SMIM31: variants seen among roughly 807,000 people sequenced by gnomAD.
SMIM31 encodes the protein human epithelial cell program regulator.
chr4:164,757,812 T>G, intron 1 of SMIM31, among the ~76,000 whole-genome samples: 1 of 97,812 alleles, frequency 1.0e-5, no homozygotes, highest in Non-Finnish European at 2.5e-5. Context: ...ACTCTTTTGA[T>G]TACTAAAGTT....
chr4:164,756,169 A>G (rs758372863), intron 1 of SMIM31, among the ~76,000 whole-genome samples: 4 of 152,322 alleles, frequency 2.6e-5, no homozygotes, highest in Non-Finnish European at 4.4e-5. Flanking sequence ...ATGAATTTTA[A>G]TGGATATGTA....
chr4:164,764,565 CAA>C (rs11388843), intron 1 of SMIM31, among the ~76,000 whole-genome samples: 2 of 130,248 alleles, frequency 1.5e-5, no homozygotes, highest in East Asian at 2.2e-4. Flanking sequence ...GACTCCATCT[CAA>C]AAAAAAAAAA....
chr4:164,786,499 A>T (rs202003331), intron 2 of SMIM31, among the ~76,000 whole-genome samples: 14 of 24,948 alleles, frequency 5.6e-4, no homozygotes, highest in Non-Finnish European at 1.1e-3. Context: ...TAACAAAAAT[A>T]AAAAAAAGAG....
chr4:164,797,007 G>A (rs1579075191), intron 2 of SMIM31, among the ~76,000 whole-genome samples: 1 of 152,174 alleles, frequency 6.6e-6, no homozygotes, highest in Non-Finnish European at 1.5e-5. Flanking sequence ...TCTTCCAGCT[G>A]TTTCTGAAAT....
At chr4:164,765,021 A>G (rs534456020) in intron 1 of SMIM31, among the ~76,000 whole-genome samples, 1 of 152,330 alleles carries the variant, frequency 6.6e-6, no homozygotes, top group Admixed American at 6.5e-5. Context: ...GTTTAGGGAA[A>G]ATTCAATCAT....
At position 164,754,352 on chromosome 4, in the gene SMIM31, CTGTT is replaced by C. The variant is rs1390450191; in HGVS notation, c.-82_-79del. ...CCCGAATCCCAAGACACTGAAGACT[CTGTT>C]TGAATCAGACTCACGGGTTCCTTCC... On this transcript the variant is annotated 5_prime_UTR_variant, in exon 1 of 3. An upstream open reading frame in the 5' UTR loses its in-frame stop. Coordinates refer to ENST00000507311, the MANE Select transcript of SMIM31 (RefSeq NM_001352885.1). 6.6e-6 allele frequency: 1 copy of C among 152,084 alleles called. No homozygotes were observed. The highest frequency in any genetic ancestry group is 1.5e-5 in the Non-Finnish European group (1 of 68,024). 9.4% of individuals were successfully genotyped at this position (152,084 alleles called of 1,614,324 possible).
At chr4:164,793,597 G>A (rs899644331) in intron 2 of SMIM31, among the ~76,000 whole-genome samples, 5 of 152,216 alleles carry the variant, frequency 3.3e-5, no homozygotes, top group Middle Eastern at 3.4e-3. Context: ...CCACTATATC[G>A]CTGTTTGCTT....
chr4:164,760,040 G>A (rs762945997), intron 1 of SMIM31, among the ~76,000 whole-genome samples: 1 of 152,116 alleles, frequency 6.6e-6, no homozygotes, highest in Non-Finnish European at 1.5e-5. Context: ...AAAGAGAATA[G>A]CCAGTACAAA....
intron 2 of SMIM31, among the ~76,000 whole-genome samples, chr4:164,785,236 A>C (rs1240728175): frequency 2.2e-5 from 2 of 90,658 alleles, no homozygotes; most frequent in Middle Eastern, 5.3e-3. Context: ...AAAATAAATA[A>C]ATAAAAAATA....
chr4:164,766,958 G>A lies in SMIM31; in HGVS notation c.-25-3461G>A, dbSNP rs373924767. Among the ~76,000 whole-genome samples, 20 of 152,270 alleles carry A rather than the reference G, an allele frequency of 1.3e-4. No homozygotes were observed. In the East Asian group the frequency reaches 3.9e-3, roughly 29 times the overall value. ...GAAAGTAGACAATGAGAATGTAGAG[G>A]AGATTCTCAGGCAGGAGGAAGACAG... On this transcript the variant is annotated intron_variant, in intron 1 of 2. Coordinates refer to ENST00000507311, the MANE Select transcript of SMIM31 (RefSeq NM_001352885.1).
At chr4:164,779,968 A>G (rs1055309500) in intron 2 of SMIM31, among the ~76,000 whole-genome samples, 43 of 152,202 alleles carry the variant, frequency 2.8e-4, no homozygotes, top group Non-Finnish European at 7.3e-5. Flanking sequence ...ACCCGAATCC[A>G]AGAAAAATAA....
intron 1 of SMIM31, among the ~76,000 whole-genome samples, chr4:164,758,637 T>G (rs113029392): frequency 7.1e-5 from 9 of 125,880 alleles, no homozygotes; most frequent in African/African-American, 1.2e-4. Context: ...TTTGTTTTTT[T>G]TTTTTTTTTT....
chr4:164,759,294 G>A (rs11723093), intron 1 of SMIM31, among the ~76,000 whole-genome samples: 60,082 of 151,680 alleles, frequency 0.4, 14,380 homozygotes, highest in Non-Finnish European at 0.53. Context: ...TTTTCCTTAA[G>A]TGTTTGATAG....
In SMIM31 at chr4:164,802,494, C is replaced by T. The variant is rs900629704; in HGVS notation, c.*1300C>T. ...TCAAGCGATCCTCTGCCTTAGCCTC[C>T]CAAAGCACTGGGATTACACGCATGA... is the stretch of plus-strand genomic sequence containing the variant. On this transcript the variant is annotated 3_prime_UTR_variant, in exon 3 of 3. Transcript: ENST00000507311. 8 of 152,280 alleles carry T rather than the reference C, an allele frequency of 5.3e-5. No homozygotes were observed. The highest frequency in any genetic ancestry group is 1.9e-4 in the African/African-American group (8 of 41,444). The allele number at this position is 152,280 out of a possible 1,614,324, so 9.4% of individuals were successfully genotyped here. A position where few individuals can be genotyped will look rare whatever the true frequency, so the allele number is the denominator to read the frequency against.
chr4:164,768,692 G>A (rs748748369), intron 1 of SMIM31, among the ~76,000 whole-genome samples: 1 of 151,896 alleles, frequency 6.6e-6, no homozygotes, highest in Non-Finnish European at 1.5e-5. Context: ...TTCTTTCTCC[G>A]ACCTATAGCA....
At chr4:164,762,590 G>A (rs1174618899) in intron 1 of SMIM31, among the ~76,000 whole-genome samples, 1 of 143,556 alleles carries the variant, frequency 7.0e-6, no homozygotes, top group Non-Finnish European at 1.5e-5. Flanking sequence ...TTGAACCCAG[G>A]AAGCAGAGGT....
At chr4:164,769,853 G>T (rs1732770869) in intron 1 of SMIM31, among the ~76,000 whole-genome samples, 1 of 152,094 alleles carries the variant, frequency 6.6e-6, no homozygotes, top group Admixed American at 6.5e-5. Context: ...TGGTTGGTTA[G>T]TTGGTTAGTC....
chr4:164,774,186 G>A (rs986259525), intron 2 of SMIM31, among the ~76,000 whole-genome samples: 89 of 140,280 alleles, frequency 6.3e-4, no homozygotes, highest in Admixed American at 6.1e-3. Context: ...AAAAAAAAAA[G>A]GTTCATCATC....
intron 2 of SMIM31, among the ~76,000 whole-genome samples, chr4:164,772,825 G>T (rs909622175): frequency 6.6e-6 from 1 of 151,298 alleles, no homozygotes; most frequent in African/African-American, 2.4e-5. Context: ...TGATCCGCCC[G>T]CCTCGGCCTC....
Sources: gnomAD v4.1 joint callset for allele counts (sites outside exome capture counted in the v4.1 genomes callset) on GRCh38, gnomAD v4.1.1 for gene constraint, MANE v1.5 for transcripts, NCBI Gene and HGNC (gene_info 2026-07-23, HGNC 2026-07-21) for gene names.